HTR4: variants seen among roughly 807,000 people sequenced by gnomAD.
HTR4 encodes the protein 5-hydroxytryptamine (serotonin) receptor 4, G protein-coupled.
Under a neutral mutation model 36.8 loss-of-function variants are expected in HTR4, and 16 were observed. The observed-to-expected ratio is 0.43, with a 90% CI of 0.29 to 0.66. The LOEUF is 0.66. Ranked by LOEUF, HTR4 falls within the 30% of genes least tolerant of loss-of-function variation. The probability of loss-of-function intolerance (pLI) is 0.13; values close to 1 mark genes in which losing one functional copy is unlikely to be tolerated. For synonymous variants in HTR4, 189 were observed against 185.1 expected (o/e 1.02, Z -0.17); for missense variants, 438 against 490.9 (o/e 0.89, Z 1.02).
intron 2 of HTR4, among the ~76,000 whole-genome samples, chr5:148,615,806 T>G (rs1752656988): frequency 6.6e-6 from 1 of 152,154 alleles, no homozygotes; most frequent in Non-Finnish European, 1.5e-5. Context: ...ACTGCTCAGG[T>G]AAAATGCTGA....
chr5:148,631,020 A>T (rs1753303654), intron 2 of HTR4, among the ~76,000 whole-genome samples: 2 of 152,182 alleles, frequency 1.3e-5, no homozygotes, highest in Non-Finnish European at 2.9e-5. Flanking sequence ...TATGTAGAAG[A>T]TTACTAGCTT....
chr5:148,502,964 C>G (rs1036406886), intron 6 of HTR4, among the ~76,000 whole-genome samples: 1 of 152,158 alleles, frequency 6.6e-6, no homozygotes, highest in Non-Finnish European at 1.5e-5. Flanking sequence ...AACAAACAAA[C>G]AAAGCCTCCA....
At chr5:148,554,019 T>A (rs1014461206) in intron 2 of HTR4, among the ~76,000 whole-genome samples, 3 of 152,384 alleles carry the variant, frequency 2.0e-5, no homozygotes, top group Middle Eastern at 3.4e-3. Flanking sequence ...GAATGTGGTA[T>A]ATACATACTA....
chr5:148,630,073 A>T (rs1204854346), intron 2 of HTR4: 1 of 152,206 alleles, frequency 6.6e-6, no homozygotes, highest in Non-Finnish European at 1.5e-5. Context: ...CAGCAGACCC[A>T]TAACAGCAAG....
At chr5:148,550,019 G>T in intron 3 of HTR4, 118 bp downstream of exon 3, 1 of 1,019,680 alleles carries the variant, frequency 9.8e-7, no homozygotes, top group Non-Finnish European at 1.4e-6. Context: ...TTAAAATGTT[G>T]TTCCCATGAA....
intron 4 of HTR4, among the ~76,000 whole-genome samples, chr5:148,543,428 A>T (rs1759218774): frequency 6.6e-6 from 1 of 152,196 alleles, no homozygotes; most frequent in African/African-American, 2.4e-5. Context: ...CGATCAATTT[A>T]TTATCTGCCG....
chr5:148,532,318 C>A (rs1438904426), intron 4 of HTR4, among the ~76,000 whole-genome samples: 1 of 152,220 alleles, frequency 6.6e-6, no homozygotes, highest in Non-Finnish European at 1.5e-5. Context: ...CGTCCCCCAA[C>A]TGATGTATAA....
At chr5:148,494,814 T>G (rs1178391388) in intron 6 of HTR4, among the ~76,000 whole-genome samples, 1 of 152,228 alleles carries the variant, frequency 6.6e-6, no homozygotes, top group East Asian at 1.9e-4. Flanking sequence ...CTAGTGTGAT[T>G]AAAAAACTGA....
At chr5:148,651,627 T>A (rs56006283) in intron 1 of HTR4, among the ~76,000 whole-genome samples, 2 of 151,966 alleles carry the variant, frequency 1.3e-5, no homozygotes, top group Admixed American at 1.3e-4. Context: ...CAACGAACCA[T>A]CTAGCTCAAA....
chr5:148,645,635 C>T (rs1242321446), intron 1 of HTR4: 1 of 152,138 alleles, frequency 6.6e-6, no homozygotes, highest in African/African-American at 2.4e-5. Context: ...TGGAGATAAA[C>T]ATACCAAAAA....
intron 2 of HTR4, among the ~76,000 whole-genome samples, chr5:148,593,293 T>G (rs1263914180): frequency 6.6e-6 from 1 of 152,192 alleles, no homozygotes. Context: ...AGGGCAAATT[T>G]CATGATATTT....
downstream of HTR4, among the ~76,000 whole-genome samples, chr5:148,479,009 T>C (rs939413545): frequency 1.3e-5 from 2 of 152,074 alleles, no homozygotes; most frequent in African/African-American, 2.4e-5. Context: ...CCTCCAGTTT[T>C]TTTTTTCTAA....
At chr5:148,470,311 A>G (rs901593585) in intron 5 of HTR4, among the ~76,000 whole-genome samples, 7 of 152,216 alleles carry the variant, frequency 4.6e-5, no homozygotes, top group South Asian at 2.1e-4. Flanking sequence ...AATAAGTGCT[A>G]TTATCATCTC....
downstream of HTR4, among the ~76,000 whole-genome samples, chr5:148,472,699 C>A (rs983399645): frequency 6.6e-6 from 1 of 152,138 alleles, no homozygotes; most frequent in African/African-American, 2.4e-5. Flanking sequence ...TTGGTTTTAA[C>A]TGGCAGGCGA....
At chr5:148,608,062 G>A (rs895985935) in intron 2 of HTR4, among the ~76,000 whole-genome samples, 4 of 152,122 alleles carry the variant, frequency 2.6e-5, no homozygotes, top group South Asian at 2.1e-4. Context: ...AAACTTAGGC[G>A]GAATGAACTA....
chr5:148,540,400 GTATATATA>G (rs56021250), intron 4 of HTR4, among the ~76,000 whole-genome samples: 7,658 of 74,178 alleles, frequency 0.1, 536 homozygotes, highest in Middle Eastern at 0.14. Flanking sequence ...TTATGTGTGT[GTATATATA>G]TATATATATA....
intron 6 of HTR4, among the ~76,000 whole-genome samples, chr5:148,483,670 C>T (rs954653318): frequency 1.3e-5 from 2 of 152,146 alleles, no homozygotes; most frequent in African/African-American, 4.8e-5. Context: ...GATTATTCCC[C>T]ATAATGGGCA....
At chr5:148,488,625 C>T (rs1238548851) in intron 6 of HTR4, among the ~76,000 whole-genome samples, 2 of 152,076 alleles carry the variant, frequency 1.3e-5, no homozygotes, top group Non-Finnish European at 2.9e-5. Flanking sequence ...AAGTAGCATG[C>T]AAGTTACAAA....
rs144147518 is a variant in HTR4 at position 148,558,836 on chromosome 5, A to G, written c.27-8574T>C. On this transcript the variant is annotated intron_variant, in intron 2 of 6. Transcript: ENST00000377888. ...AGAAAAAAGTCATCTTTACCTGCTT[A>G]ACTTCATCCAGTGCAATTTTTGTTT... Among the ~76,000 whole-genome samples, 375 of 152,346 alleles carry G rather than the reference A, an allele frequency of 2.5e-3. 2 individuals carry two copies. Among genetic ancestry groups the G allele is most frequent in the African/African-American group, 8.0e-3 (331 of 41,580 alleles).
Sources: allele counts gnomAD v4.1 joint callset (sites outside exome capture counted in the v4.1 genomes callset), GRCh38; gene constraint gnomAD v4.1.1; transcripts MANE v1.5; gene names NCBI Gene and HGNC (gene_info 2026-07-23, HGNC 2026-07-21).